The following PPP1R8 variants were observed in gnomAD, a reference collection of about 807,000 sequenced individuals.
The protein encoded by PPP1R8 is nuclear inhibitor of protein phosphatase 1.
PPP1R8 carries 4 observed loss-of-function variants against 31.3 expected under a neutral mutation model. The observed-to-expected ratio is 0.13, with a 90% confidence interval of 0.06 to 0.29. The LOEUF (loss-of-function observed/expected upper bound fraction) is 0.29, where lower values mean the gene tolerates loss of function less well. Among genes scored for constraint, PPP1R8 ranks in the 10% least tolerant of loss-of-function variants. The probability of loss-of-function intolerance (pLI) is 1.00; values close to 1 mark genes in which losing one functional copy is unlikely to be tolerated. For missense variants in PPP1R8, 254 were observed against 440.1 expected (o/e 0.58, Z 3.78); for synonymous variants, 170 against 169.7 (o/e 1.00, Z -0.01).
intron 2 of PPP1R8, among the ~76,000 whole-genome samples, chr1:27,838,045 A>G (rs1266296680): frequency 6.6e-6 from 1 of 151,642 alleles, no homozygotes; most frequent in Non-Finnish European, 1.5e-5. Flanking sequence ...CCCCGTCTCT[A>G]CTAAAGATAC....
intron 3 of PPP1R8, among the ~76,000 whole-genome samples, chr1:27,840,704 G>A (rs1571550497): frequency 6.6e-6 from 1 of 152,112 alleles, no homozygotes; most frequent in South Asian, 2.1e-4. Context: ...GTTATCTGGG[G>A]GAACAACAGG....
intron 2 of PPP1R8, among the ~76,000 whole-genome samples, chr1:27,838,034 A>G (rs145393407): frequency 0.014 from 2,099 of 150,378 alleles, 114 homozygotes; most frequent in East Asian, 0.12. Context: ...ACATGGTAAA[A>G]CCCCGTCTCT....
chr1:27,846,897 A>C, intron 5 of PPP1R8, 131 bp from the exon 6 acceptor site: 1 of 744,470 alleles, frequency 1.3e-6, no homozygotes. Context: ...AATGCCCAGC[A>C]CCCAGGAAGC....
Position 27,851,398 on chromosome 1 carries a change from A to C in PPP1R8, c.*952A>C. ...GACCTGGCTAACAAACATAGGAGAC[A>C]AAGTTAGGAAACATTGATACAAGCT... On this transcript the variant is annotated 3_prime_UTR_variant, in exon 7 of 7. Coordinates refer to ENST00000311772, the MANE Select transcript of PPP1R8 (RefSeq NM_014110.5). The C allele has an allele frequency of 2.7e-6, 1 of 364,148 alleles. No homozygotes were observed. The highest frequency in any genetic ancestry group is 7.4e-5 in the East Asian group (1 of 13,530). The allele number at this position is 364,148 out of a possible 1,614,324, so 22.6% of individuals were successfully genotyped here.
chr1:27,847,470 G>A (rs1310673538), intron 6 of PPP1R8, among the ~76,000 whole-genome samples: 1 of 148,968 alleles, frequency 6.7e-6, no homozygotes, highest in African/African-American at 2.5e-5. Flanking sequence ...TCGCACCATT[G>A]CACTCCAGCC....
chr1:27,832,918 C>T (rs1392466677), intron 2 of PPP1R8, 102 bp downstream of exon 2: 3 of 977,732 alleles, frequency 3.1e-6, no homozygotes, highest in Non-Finnish European at 4.6e-6. Flanking sequence ...TCCAGCAATG[C>T]TACTTTCTTT....
At chr1:27,844,864 C>T (rs768469898) in intron 5 of PPP1R8, among the ~76,000 whole-genome samples, 89 of 144,148 alleles carry the variant, frequency 6.2e-4, no homozygotes, top group Non-Finnish European at 1.2e-3. Context: ...ACTACAGGCG[C>T]CCGCCACCAT....
At position 27,841,024 on chromosome 1, in the gene PPP1R8, T is replaced by C; in HGVS notation, c.282T>C (p.Thr94=). 1 of 1,614,204 alleles carries C rather than the reference T, an allele frequency of 6.2e-7. No individual in the cohort carries two copies. Among genetic ancestry groups the C allele is most frequent in the Non-Finnish European group, 8.5e-7 (1 of 1,180,044 alleles). Residue 94 remains threonine, a synonymous_variant, in exon 4 of 7, where the codon ACT becomes ACC. Transcript: ENST00000311772. ...FLIDLNSTHG[T]FLGHIRLEPH... ...TTTGGTTATTCCCAGCACACGGCAC[T>C]TTCTTGGGTCACATTCGGTTGGAAC... is the stretch of plus-strand genomic sequence containing the variant.
At chr1:27,845,779 C>CTTTTT (rs1436213513) in intron 5 of PPP1R8, among the ~76,000 whole-genome samples, 6 of 123,916 alleles carry the variant, frequency 4.8e-5, no homozygotes, top group African/African-American at 2.3e-4. Context: ...TTCTTTCTTT[C>CTTTTT]TTTCTTTTTT....
Position 27,835,417 on chromosome 1 carries a change from C to G in PPP1R8, c.117+2601C>G, listed in dbSNP as rs184720703. On this transcript the variant is annotated intron_variant, in intron 2 of 6. Coordinates refer to ENST00000311772, the MANE Select transcript of PPP1R8 (RefSeq NM_014110.5). ...TATTTTTAACTCAAGTCTTAAAAAC[C>G]TTGGGTCAAAGCAGACATGAAGGTG... 5.0e-4 allele frequency among the ~76,000 whole-genome samples: 76 copies of G among 152,260 alleles called. No individual in the cohort carries two copies. In the East Asian group the frequency reaches 0.013, roughly 27 times the overall value.
intron 2 of PPP1R8, among the ~76,000 whole-genome samples, chr1:27,837,933 C>G (rs1348501608): frequency 1.3e-5 from 2 of 151,672 alleles, no homozygotes; most frequent in Non-Finnish European, 1.5e-5. Flanking sequence ...AAAAGTAGGC[C>G]AGGCTCGGTG....
intron 1 of PPP1R8, chr1:27,831,179 C>G (rs945285808): frequency 1.3e-5 from 15 of 1,189,832 alleles, no homozygotes; most frequent in South Asian, 2.5e-5. Flanking sequence ...GGCCTTGGCC[C>G]GAACTTACGC....
intron 5 of PPP1R8, among the ~76,000 whole-genome samples, chr1:27,843,804 T>C (rs1335682112): frequency 6.6e-6 from 1 of 151,786 alleles, no homozygotes; most frequent in Non-Finnish European, 1.5e-5. Flanking sequence ...AATAAAAAAA[T>C]CAGCCAGGCA....
At chr1:27,836,519 A>G (rs1027575036) in intron 2 of PPP1R8, among the ~76,000 whole-genome samples, 18 of 152,092 alleles carry the variant, frequency 1.2e-4, no homozygotes, top group African/African-American at 4.3e-4. Context: ...GGCTCATGCC[A>G]TTCTCCTGCC....
At position 27,839,331 on chromosome 1, in the gene PPP1R8, C is replaced by T. The variant is rs189918688; in HGVS notation, c.271+479C>T. ...TCATTTGAGGCCAGGAGTTTGAGAC[C>T]AGCCTGGCCAATATGGTGAAACCTC... On this transcript the variant is annotated intron_variant, in intron 3 of 6. Transcript: ENST00000311772. 3.3e-3 allele frequency among the ~76,000 whole-genome samples: 504 copies of T among 152,186 alleles called. 2 individuals are homozygous for T. Among genetic ancestry groups the T allele is most frequent in the African/African-American group, 0.012 (483 of 41,524 alleles).
intron 1 of PPP1R8, chr1:27,831,432 G>A (rs1268945283): frequency 5.7e-6 from 5 of 884,126 alleles, no homozygotes; most frequent in Non-Finnish European, 6.8e-6. Flanking sequence ...CATTAGTAAT[G>A]GTTGGCATGA....
chr1:27,838,004 G>A (rs1371391415), intron 2 of PPP1R8, among the ~76,000 whole-genome samples: 1 of 151,892 alleles, frequency 6.6e-6, no homozygotes, highest in African/African-American at 2.4e-5. Context: ...AAGGTCGGGA[G>A]TTCGAGACCA....
intron 6 of PPP1R8, among the ~76,000 whole-genome samples, chr1:27,848,903 G>GTAGATTTA (rs2089311763): frequency 6.6e-6 from 1 of 152,000 alleles, no homozygotes; most frequent in Admixed American, 6.6e-5. Context: ...ACACATTTAC[G>GTAGATTTA]TATATAGTTT....
intron 5 of PPP1R8, among the ~76,000 whole-genome samples, chr1:27,845,278 T>C (rs1224518547): frequency 2.7e-5 from 4 of 150,682 alleles, no homozygotes; most frequent in Non-Finnish European, 5.9e-5. Context: ...TAGTCCCAGC[T>C]ACTTGGGAGG....
Sources: allele counts gnomAD v4.1 joint callset (sites outside exome capture counted in the v4.1 genomes callset), GRCh38; gene constraint gnomAD v4.1.1; transcripts MANE v1.5; gene names NCBI Gene and HGNC (gene_info 2026-07-23, HGNC 2026-07-21).